Variants in CMIP observed in about 807,000 individuals in gnomAD.
CMIP encodes the protein C-Maf-inducing protein.
A neutral mutation model predicts 97.3 loss-of-function variants in CMIP; 13 were observed. The observed-to-expected ratio is 0.13, with a 90% confidence interval of 0.09 to 0.21. CMIP has a LOEUF of 0.21. Among genes scored for constraint, CMIP ranks in the 10% least tolerant of loss-of-function variants. The probability of loss-of-function intolerance (pLI) is 1.00; values close to 1 mark genes in which losing one functional copy is unlikely to be tolerated. For missense variants in CMIP, 847 were observed against 1,024.9 expected, an observed-to-expected ratio of 0.83 and a Z score of 2.37; for synonymous variants, 538 against 436.3, an observed-to-expected ratio of 1.23 and a Z score of -2.91.
chr16:81,635,676 A>G (rs1407073446), intron 3 of CMIP, among the ~76,000 whole-genome samples: 1 of 152,188 alleles, frequency 6.6e-6, no homozygotes, highest in African/African-American at 2.4e-5. Flanking sequence ...GTGACCATGG[A>G]GAAAGAGATG....
chr16:81,662,646 C>T (rs1046367123), intron 6 of CMIP, among the ~76,000 whole-genome samples: 3 of 152,192 alleles, frequency 2.0e-5, no homozygotes, highest in African/African-American at 4.8e-5. Flanking sequence ...CTTGCTTTCT[C>T]AGGGGAGCCC....
intron 1 of CMIP, among the ~76,000 whole-genome samples, chr16:81,530,825 T>G (rs1487044830): frequency 6.6e-6 from 1 of 152,192 alleles, no homozygotes. Flanking sequence ...ACATACATTA[T>G]CTTCGATCAG....
chr16:81,577,081 A>T (rs2091203149), intron 1 of CMIP, among the ~76,000 whole-genome samples: 1 of 144,934 alleles, frequency 6.9e-6, no homozygotes, highest in African/African-American at 2.7e-5. Flanking sequence ...CATCATCCCC[A>T]TTACCACTAC....
chr16:81,656,683 G>C (rs796386199), intron 4 of CMIP, among the ~76,000 whole-genome samples: 6 of 152,328 alleles, frequency 3.9e-5, no homozygotes, highest in African/African-American at 1.4e-4. Flanking sequence ...TGTCGCCCAG[G>C]CTGGAGTGTG....
chr16:81,549,026 A>G (rs1334205587), intron 1 of CMIP, among the ~76,000 whole-genome samples: 1 of 152,222 alleles, frequency 6.6e-6, no homozygotes, highest in Non-Finnish European at 1.5e-5. Context: ...GTCTGTCTGC[A>G]TGGGCCTGTA....
chr16:81,667,799 A>AGAGAGAGTGTGT, intron 7 of CMIP, among the ~76,000 whole-genome samples: 96 of 58,132 alleles, frequency 1.7e-3, no homozygotes, highest in East Asian at 3.3e-3. Context: ...AGAGAGAGAG[A>AGAGAGAGTGTGT]GTGTGTGTGT....
At chr16:81,538,086 C>G (rs1567566785) in intron 1 of CMIP, among the ~76,000 whole-genome samples, 2 of 152,262 alleles carry the variant, frequency 1.3e-5, no homozygotes, top group African/African-American at 4.8e-5. Flanking sequence ...TTGCATCCCC[C>G]TGTAACCCTG....
rs141720652 is a variant in CMIP, at chr16:81,657,003, G to C, written c.640-772G>C. ...GAGAGTTTCAGGTTTTGCATTCTCA[G>C]ACTAGGTTGCTCAACTGGTTAAGTA... On this transcript the variant is annotated intron_variant, in intron 4 of 20. Coordinates refer to ENST00000537098, the MANE Select transcript of CMIP (RefSeq NM_198390.3). 1.1e-4 allele frequency among the ~76,000 whole-genome samples: 17 copies of C among 151,804 alleles called. No individual in the cohort carries two copies. The East Asian group carries it at 3.3e-3, about 29-fold the overall frequency.
intron 3 of CMIP, 70 bp downstream of exon 3, chr16:81,620,996 C>T: frequency 6.3e-7 from 1 of 1,582,198 alleles, no homozygotes; most frequent in Non-Finnish European, 8.7e-7. Flanking sequence ...GCCAATCTGT[C>T]ACCCAGAGGC....
At chr16:81,556,566 AGGTGGAATCCTG>A (rs1404414536) in intron 1 of CMIP, among the ~76,000 whole-genome samples, 1 of 152,162 alleles carries the variant, frequency 6.6e-6, no homozygotes. Context: ...CAGAGACAGA[AGGTGGAATCCTG>A]GTAACCACAG....
chr16:81,453,168 T>C lies in CMIP; in HGVS notation c.300+7627T>C, dbSNP rs772370776. On this transcript the variant is annotated intron_variant, in intron 1 of 20. Coordinates refer to ENST00000537098, the MANE Select transcript of CMIP (RefSeq NM_198390.3). The surrounding 1 kb of genome is among the most constrained non-coding windows in gnomAD (Gnocchi z 4.0). ...GCCCACCTGGGATTCAAACCCAGAC[T>C]CCTGCCTTCCCATGGCATCCTTTGT... Among the ~76,000 whole-genome samples the C allele has an allele frequency of 2.0e-5, 3 of 152,220 alleles. No individual in the cohort carries two copies. Among genetic ancestry groups the C allele is most frequent in the Non-Finnish European group, 2.9e-5 (2 of 68,036 alleles).
intron 2 of CMIP, among the ~76,000 whole-genome samples, chr16:81,617,811 G>T (rs2091940073): frequency 1.3e-5 from 2 of 152,228 alleles, no homozygotes; most frequent in African/African-American, 4.8e-5. Flanking sequence ...GAAAACACCT[G>T]TTGGTCTCCT....
chr16:81,553,939 C>T (rs1567575706), intron 1 of CMIP, among the ~76,000 whole-genome samples: 1 of 152,242 alleles, frequency 6.6e-6, no homozygotes, highest in Non-Finnish European at 1.5e-5. Flanking sequence ...CTCCTAGGCA[C>T]TGGAGCCACC....
At chr16:81,493,335 G>T (rs534541376) in intron 1 of CMIP, among the ~76,000 whole-genome samples, 2 of 151,384 alleles carry the variant, frequency 1.3e-5, no homozygotes, top group Admixed American at 6.6e-5. Context: ...GGAGCTCTGG[G>T]GTCACTCACC....
intron 1 of CMIP, among the ~76,000 whole-genome samples, chr16:81,461,496 G>A (rs207476212): frequency 1.3e-5 from 2 of 152,176 alleles, no homozygotes; most frequent in East Asian, 1.9e-4. Context: ...CTCAGAGACA[G>A]CCACTAATAA....
intron 15 of CMIP, among the ~76,000 whole-genome samples, chr16:81,700,356 C>G (rs1907255772): frequency 6.6e-6 from 1 of 152,100 alleles, no homozygotes; most frequent in Non-Finnish European, 1.5e-5. Context: ...GCTGCTGCTC[C>G]TCTCTCTCCC....
At chr16:81,615,980 C>T (rs537344266) in intron 2 of CMIP, among the ~76,000 whole-genome samples, 76 of 151,864 alleles carry the variant, frequency 5.0e-4, no homozygotes, top group Non-Finnish European at 8.5e-4. Flanking sequence ...GAGGGGACCA[C>T]GGCCAGCTTT....
At chr16:81,500,272 G>GTCCTTCCTTCCTTCCGTCCT (rs1555523514) in intron 1 of CMIP, among the ~76,000 whole-genome samples, 7 of 64,836 alleles carry the variant, frequency 1.1e-4, no homozygotes, top group African/African-American at 3.6e-4. Flanking sequence ...CCTTCCTTCC[G>GTCCTTCCTTCCTTCCGTCCT]TCCTTCCTTC....
chr16:81,492,032 T>C (rs12445748), intron 1 of CMIP, among the ~76,000 whole-genome samples: 12,080 of 152,262 alleles, frequency 0.079, 643 homozygotes, highest in South Asian at 0.21. Flanking sequence ...CTTTTCTTCC[T>C]CAATAGAGTG....
Sources: gnomAD v4.1 joint callset for allele counts (sites outside exome capture counted in the v4.1 genomes callset) on GRCh38, gnomAD v4.1.1 for gene constraint, Gnocchi (gnomAD v3.1) non-coding constraint, MANE v1.5 for transcripts, NCBI Gene and HGNC (gene_info 2026-07-23, HGNC 2026-07-21) for gene names.